LHX4: variants seen among roughly 807,000 people sequenced by gnomAD.
The protein encoded by LHX4 is LIM homeobox 4, also known as LIM/homeobox protein Lhx4.
In LHX4, 16 loss-of-function variants were observed where a neutral mutation model predicts 39.2. The ratio of observed to expected loss-of-function variants is 0.41; its 90% CI spans 0.28 to 0.62. The LOEUF (loss-of-function observed/expected upper bound fraction) is 0.62, where lower values mean the gene tolerates loss of function less well. LHX4 is among the 20% of genes least tolerant of loss of function. LHX4 has a pLI of 0.33. For missense variants in LHX4, 439 were observed against 511.9 expected (o/e 0.86, Z 1.37); for synonymous variants, 206 against 198.1 (o/e 1.04, Z -0.33).
intron 2 of LHX4, among the ~76,000 whole-genome samples, chr1:180,263,853 G>A (rs1264647383): frequency 2.0e-5 from 3 of 152,216 alleles, no homozygotes; most frequent in Admixed American, 6.5e-5. Context: ...CCTCTGTTCC[G>A]GGGTCTCCTC....
Position 180,274,467 on chromosome 1 carries a change from C to T in LHX4, c.1061C>T (p.Ala354Val), listed in dbSNP as rs140154605. 73 of 1,614,078 alleles carry T rather than the reference C, an allele frequency of 4.5e-5. No homozygotes were observed. In the African/African-American group the frequency reaches 7.7e-4, roughly 17 times the overall value. ...AGQGVSQTLR[A>V]MAGGPTSDIS... is the part of the protein sequence containing the mutation. ...CAGGGAGTAAGCCAGACGCTGAGAG[C>T]CATGGCTGGGGGACCCACCTCTGAC... Residue 354 changes from alanine (A) to valine (V), a missense_variant, in exon 6 of 6, where the codon GCC (alanine) becomes GTC (valine). Ala to Val is a moderately conservative substitution (Grantham distance 64). Coordinates refer to ENST00000263726, the MANE Select transcript of LHX4 (RefSeq NM_033343.4).
intron 1 of LHX4, among the ~76,000 whole-genome samples, chr1:180,237,243 T>G (rs1440499803): frequency 2.6e-5 from 4 of 151,972 alleles, no homozygotes; most frequent in Admixed American, 6.6e-5. Context: ...GGCGGTCGTG[T>G]GTCCAGCAGG....
At chr1:180,257,918 G>A (rs1172707497) in intron 2 of LHX4, among the ~76,000 whole-genome samples, 1 of 152,162 alleles carries the variant, frequency 6.6e-6, no homozygotes, top group Non-Finnish European at 1.5e-5. Flanking sequence ...TGTCTGTGAG[G>A]TCTGGGGCAG....
At chr1:180,229,037 C>G (rs894612799), upstream of LHX4, among the ~76,000 whole-genome samples, 1 of 152,220 alleles carries the variant, frequency 6.6e-6, no homozygotes, top group Non-Finnish European at 1.5e-5. Flanking sequence ...CCTGATGGAG[C>G]GTCAGAGGAG....
chr1:180,243,718 A>G (rs1208874276), intron 1 of LHX4, among the ~76,000 whole-genome samples: 1 of 152,052 alleles, frequency 6.6e-6, no homozygotes, highest in East Asian at 1.9e-4. Context: ...GACATTAGGC[A>G]TCCATCCCAT....
intron 2 of LHX4, among the ~76,000 whole-genome samples, chr1:180,259,134 CAGGAGCAG>C (rs1395727737): frequency 4.0e-5 from 6 of 151,696 alleles, no homozygotes; most frequent in Admixed American, 6.6e-5. Context: ...GGAGGAGGAG[CAGGAGCAG>C]AGGAGCAGAG....
rs1649156347 is a variant in LHX4 at position 180,278,215 on chromosome 1, C to T, written c.*3636C>T. 6.6e-6 allele frequency: 1 copy of T among 152,146 alleles called. No homozygotes were observed. Among genetic ancestry groups the T allele is most frequent in the Non-Finnish European group, 1.5e-5 (1 of 68,022 alleles). 9.4% of individuals were successfully genotyped at this position (152,146 alleles called of 1,614,324 possible). A position where few individuals can be genotyped will look rare whatever the true frequency, so the allele number is the denominator to read the frequency against. On this transcript the variant is annotated 3_prime_UTR_variant, in exon 6 of 6. Transcript: ENST00000263726. Reference sequence around the variant, plus strand: ...AGGAGGCTCATTTTTAAACACTGCACTTTAAAAATTGGAAACCGTGAGATG... The same window carrying T: ...AGGAGGCTCATTTTTAAACACTGCATTTTAAAAATTGGAAACCGTGAGATG...
At position 180,232,572 on chromosome 1, in the gene LHX4, G is replaced by T. The variant is rs911315835; in HGVS notation, c.76+1967G>T. ...GGAGGCAATGTCTAATCTAGAGGGG[G>T]TGGTCAGTCCTCCCTTTGTCCGAGT... On this transcript the variant is annotated intron_variant, in intron 1 of 5. Transcript: ENST00000263726. The surrounding 1 kb of genome is among the most constrained non-coding windows in gnomAD (Gnocchi z 5.4). 7.9e-5 allele frequency among the ~76,000 whole-genome samples: 12 copies of T among 152,310 alleles called. No homozygotes were observed. Among genetic ancestry groups the T allele is most frequent in the Non-Finnish European group, 1.0e-4 (7 of 68,028 alleles).
intron 3 of LHX4, among the ~76,000 whole-genome samples, chr1:180,268,036 C>G (rs948020909): frequency 7.2e-5 from 11 of 152,174 alleles, no homozygotes; most frequent in African/African-American, 2.7e-4. Flanking sequence ...CCTCCAGAGA[C>G]CTGGGGCCTC....
At chr1:180,273,842 T>A in intron 5 of LHX4, 1 of 322,876 alleles carries the variant, frequency 3.1e-6, no homozygotes, top group South Asian at 3.4e-5. Flanking sequence ...CCATTTGTGA[T>A]GTGGAGACAT....
At position 180,230,600 on chromosome 1, in the gene LHX4, T is replaced by A; in HGVS notation, c.71T>A (p.Met24Lys). 1 of 1,613,400 alleles carries A rather than the reference T, an allele frequency of 6.2e-7. No individual in the cohort carries two copies. The highest frequency in any genetic ancestry group is 8.5e-7 in the Non-Finnish European group (1 of 1,179,554). Residue 24 changes from methionine to lysine, a missense_variant, in exon 1 of 6, where the codon ATG becomes AAG. Coordinates refer to ENST00000263726, the MANE Select transcript of LHX4 (RefSeq NM_033343.4). The surrounding 1 kb of genome is among the most constrained non-coding windows in gnomAD (Gnocchi z 5.8). The stretch of plus-strand genomic sequence containing the variant: ...CTCCCGGAGATGCTAGGTGTGCCGA[T>A]GCAACGTAAGACACCCCCCTTTCTC... ...KGLPEMLGVP[M>K]QQIPQCAGCN...
chr1:180,251,868 G>C (rs1368935019), intron 2 of LHX4, among the ~76,000 whole-genome samples: 1 of 152,186 alleles, frequency 6.6e-6, no homozygotes, highest in Non-Finnish European at 1.5e-5. Flanking sequence ...CTCTGTGATG[G>C]GGTGCTGTGA....
chr1:180,275,145 C>A lies in LHX4; in HGVS notation c.*566C>A, dbSNP rs1648953016. ...CAGTTTGATATTAAAAACATGCCCC[C>A]TCCTTTTTTATTTTTGCTGTGAAGA... On this transcript the variant is annotated 3_prime_UTR_variant, in exon 6 of 6. Transcript: ENST00000263726. The A allele has an allele frequency of 6.6e-6, 1 of 152,280 alleles. No homozygotes were observed. Among genetic ancestry groups the A allele is most frequent in the Non-Finnish European group, 1.5e-5 (1 of 68,090 alleles). The allele number at this position is 152,280 out of a possible 1,614,324, so 9.4% of individuals were successfully genotyped here.
intron 2 of LHX4, among the ~76,000 whole-genome samples, chr1:180,263,455 A>AGGGCT: frequency 6.6e-6 from 1 of 151,228 alleles, no homozygotes; most frequent in South Asian, 2.1e-4. Context: ...GGTGATCTGC[A>AGGGCT]GGGCTGGGCT....
Position 180,274,299 on chromosome 1 carries a change from C to T in LHX4, c.893C>T (p.Ser298Phe). ...GSFSMDGTGQ[S>F]YQDLRDGSPY... ...TTCTCCATGGACGGGACAGGACAAT[C>T]CTATCAGGACTTGAGGGATGGGAGC... Residue 298 changes from serine (S) to phenylalanine (F), a missense_variant, in exon 6 of 6, where the codon TCC (serine) becomes TTC (phenylalanine). Physicochemically the swap from Ser to Phe is radical, Grantham distance 155 (BLOSUM62 -2). Coordinates refer to ENST00000263726, the MANE Select transcript of LHX4 (RefSeq NM_033343.4). The T allele has an allele frequency of 6.2e-7, 1 of 1,614,224 alleles. No homozygotes were observed. The highest frequency in any genetic ancestry group is 8.5e-7 in the Non-Finnish European group (1 of 1,180,032).
intron 1 of LHX4, among the ~76,000 whole-genome samples, chr1:180,231,844 G>A (rs1412795906): frequency 1.3e-5 from 2 of 152,154 alleles, no homozygotes; most frequent in Admixed American, 1.3e-4. Flanking sequence ...TCTGTCCGGC[G>A]ATCCTTCGGA....
Position 180,274,892 on chromosome 1 carries a change from G to T in LHX4, c.*313G>T. 1 of 269,008 alleles carries T rather than the reference G, an allele frequency of 3.7e-6. No individual in the cohort carries two copies. Among genetic ancestry groups the T allele is most frequent in the Non-Finnish European group, 7.1e-6 (1 of 141,516 alleles). 16.7% of individuals were successfully genotyped at this position (269,008 alleles called of 1,614,324 possible). A position where few individuals can be genotyped will look rare whatever the true frequency, so the allele number is the denominator to read the frequency against. On this transcript the variant is annotated 3_prime_UTR_variant, in exon 6 of 6. Transcript: ENST00000263726. ...GGCTTGGCTGCTCAGTGCTTTGGTA[G>T]CACAAGGTGACTGTGATAGGCCCCC...
intron 1 of LHX4, among the ~76,000 whole-genome samples, chr1:180,241,269 T>C (rs1664440166): frequency 6.6e-6 from 1 of 152,254 alleles, no homozygotes; most frequent in Non-Finnish European, 1.5e-5. Flanking sequence ...GTCTGCTGTT[T>C]ATACTCCAGG....
At chr1:180,242,054 T>A (rs1664454524) in intron 1 of LHX4, among the ~76,000 whole-genome samples, 1 of 151,996 alleles carries the variant, frequency 6.6e-6, no homozygotes, top group South Asian at 2.1e-4. Context: ...TTTTGAGCCC[T>A]TTCCAAAAAA....
Sources: allele counts gnomAD v4.1 joint callset (sites outside exome capture counted in the v4.1 genomes callset), GRCh38; gene constraint gnomAD v4.1.1; non-coding constraint Gnocchi (gnomAD v3.1); transcripts MANE v1.5; gene names NCBI Gene and HGNC (gene_info 2026-07-23, HGNC 2026-07-21).